FANCL: variants seen among roughly 807,000 people sequenced by gnomAD.
FANCL encodes FA complementation group L, also known as E3 ubiquitin-protein ligase FANCL.
A neutral mutation model predicts 59.4 loss-of-function variants in FANCL; 69 were observed. The ratio of observed to expected loss-of-function variants is 1.16; its 90% CI spans 0.96 to 1.42. The LOEUF (loss-of-function observed/expected upper bound fraction) is 1.42. FANCL is among the 40% of genes most tolerant of loss of function. The pLI, the probability that FANCL is intolerant of heterozygous loss-of-function variation, is 0.00. For missense variants in FANCL, 519 were observed against 447.2 expected, an observed-to-expected ratio of 1.16 and a Z score of -1.45; for synonymous variants, 180 against 147.1, an observed-to-expected ratio of 1.22 and a Z score of -1.62.
At chr2:58,235,779 T>TGAGCG (rs1693959170) in intron 1 of FANCL, among the ~76,000 whole-genome samples, 1 of 151,930 alleles carries the variant, frequency 6.6e-6, no homozygotes, top group South Asian at 2.1e-4. Context: ...AAGGAAAACA[T>TGAGCG]GAGCGTACTA....
chr2:58,219,173 T>TATATAC (rs1692207547), intron 5 of FANCL, among the ~76,000 whole-genome samples: 1 of 35,518 alleles, frequency 2.8e-5, no homozygotes, highest in Non-Finnish European at 4.6e-5. Context: ...AAAAAAAAAA[T>TATATAC]ATATATATAT....
intron 5 of FANCL, among the ~76,000 whole-genome samples, chr2:58,209,673 A>G (rs1230959540): frequency 3.9e-5 from 6 of 152,178 alleles, no homozygotes; most frequent in African/African-American, 1.4e-4. Context: ...TGCCTCTTTG[A>G]AATCTTTATT....
At chr2:58,241,117 C>T in intron 1 of FANCL, 101 bp downstream of exon 1, 1 of 1,287,416 alleles carries the variant, frequency 7.8e-7, no homozygotes, top group Non-Finnish European at 1.1e-6. Flanking sequence ...TCTCAATCCC[C>T]ACAAGTCTGG....
chr2:58,164,707 C>T (rs548468712), intron 8 of FANCL, among the ~76,000 whole-genome samples: 5 of 151,910 alleles, frequency 3.3e-5, no homozygotes, highest in East Asian at 1.9e-4. Flanking sequence ...AATGGGGCCA[C>T]GAAAATAATG....
At chr2:58,212,739 G>A (rs1691307916) in intron 5 of FANCL, among the ~76,000 whole-genome samples, 2 of 151,744 alleles carry the variant, frequency 1.3e-5, no homozygotes, top group African/African-American at 2.4e-5. Context: ...TTACCTTTGT[G>A]AGCCAGTGTT....
intron 5 of FANCL, among the ~76,000 whole-genome samples, chr2:58,210,571 TCTTAA>T (rs764596577): frequency 6.6e-6 from 1 of 152,032 alleles, no homozygotes; most frequent in East Asian, 1.9e-4. Context: ...CCCCCCAAAG[TCTTAA>T]CTTATTTCAT....
intron 6 of FANCL, among the ~76,000 whole-genome samples, chr2:58,199,562 T>A (rs748335815): frequency 4.6e-5 from 7 of 152,238 alleles, no homozygotes; most frequent in South Asian, 4.1e-4. Flanking sequence ...TTTGAAAGAT[T>A]GCTAAATACA....
chr2:58,172,784 A>G (rs1469735998), intron 7 of FANCL, among the ~76,000 whole-genome samples: 4 of 152,224 alleles, frequency 2.6e-5, no homozygotes, highest in Admixed American at 1.3e-4. Context: ...AAAGCTGGAC[A>G]GAGAATGACT....
At chr2:58,217,169 TATATATATATATA>T (rs1558806314) in intron 5 of FANCL, among the ~76,000 whole-genome samples, 1 of 27,506 alleles carries the variant, frequency 3.6e-5, no homozygotes, top group African/African-American at 1.7e-4. Flanking sequence ...ATATATTTTA[TATATATATATATA>T]TATATATATA....
intron 5 of FANCL, among the ~76,000 whole-genome samples, chr2:58,220,114 A>G (rs1692321243): frequency 6.6e-6 from 1 of 152,232 alleles, no homozygotes; most frequent in South Asian, 2.1e-4. Context: ...AAACACTATT[A>G]CATGCAATCG....
chr2:58,170,722 T>C (rs1304005279), intron 7 of FANCL, among the ~76,000 whole-genome samples: 1 of 145,484 alleles, frequency 6.9e-6, no homozygotes, highest in East Asian at 2.0e-4. Context: ...TGGTTTGCAA[T>C]ACCAGTATCT....
At chr2:58,200,954 T>C (rs981738261) in intron 6 of FANCL, among the ~76,000 whole-genome samples, 3 of 151,482 alleles carry the variant, frequency 2.0e-5, no homozygotes, top group Non-Finnish European at 4.4e-5. Context: ...ATTACATTCA[T>C]GTGCAAAATC....
intron 7 of FANCL, among the ~76,000 whole-genome samples, chr2:58,180,899 TGA>T (rs764011851): frequency 6.7e-6 from 1 of 150,108 alleles, no homozygotes; most frequent in African/African-American, 2.5e-5. Context: ...CTAATATTAA[TGA>T]GATAACATTA....
chr2:58,225,598 T>A (rs1284813381), intron 4 of FANCL, among the ~76,000 whole-genome samples: 11 of 151,976 alleles, frequency 7.2e-5, no homozygotes, highest in Admixed American at 7.2e-4. Flanking sequence ...AACCATCAGA[T>A]ACCACGTGGA....
chr2:58,226,620 G>A (rs1693025545), intron 4 of FANCL, 108 bp downstream of exon 4: 4 of 813,830 alleles, frequency 4.9e-6, no homozygotes, highest in Non-Finnish European at 8.2e-6. Context: ...TCAAATGACT[G>A]AGAGTTAAGA....
intron 7 of FANCL, among the ~76,000 whole-genome samples, chr2:58,198,025 G>C (rs866531164): frequency 6.7e-6 from 1 of 149,834 alleles, no homozygotes; most frequent in African/African-American, 2.5e-5. Flanking sequence ...CTACAGGCTG[G>C]ATGGTGTGTG....
Position 58,233,256 on chromosome 2 carries a change from T to C in FANCL, c.97-1144A>G, listed in dbSNP as rs573754946. On this transcript the variant is annotated intron_variant, in intron 1 of 13. Coordinates refer to ENST00000233741, the MANE Select transcript of FANCL (RefSeq NM_018062.4). ...CGAAAAATAGAAGAACTATTCTATA[T>C]AGAAATCTGTGCTGTTATCTGAAAG... Among the ~76,000 whole-genome samples, 39 of 151,624 alleles carry C rather than the reference T, an allele frequency of 2.6e-4. No individual in the cohort carries two copies. In the South Asian group the frequency reaches 5.6e-3, roughly 22 times the overall value.
intron 1 of FANCL, among the ~76,000 whole-genome samples, chr2:58,239,472 C>T (rs1694316470): frequency 6.6e-6 from 1 of 152,100 alleles, no homozygotes. Context: ...AAAACACAAA[C>T]AGACTGAGAA....
rs1423411761 is a variant in FANCL at position 58,161,609 on chromosome 2, A to G, written c.933T>C (p.Tyr311=). The G allele has an allele frequency of 1.1e-5, 18 of 1,611,482 alleles. No homozygotes were observed. The highest frequency in any genetic ancestry group is 1.7e-5 in the Admixed American group (1 of 59,896). The change falls in exon 12 of 14, where the codon TAT becomes TAC. Residue 311 remains tyrosine (Y), a synonymous_variant. Coordinates refer to ENST00000233741, the MANE Select transcript of FANCL (RefSeq NM_018062.4). ...GAATGGTACCGTCAAGTTGATAAGC[A>G]TAACAAATTCCACAATCCATAGTAA... ...SDFTMDCGIC[Y]AYQLDGTIPD...
Sources: gnomAD v4.1 joint callset for allele counts (sites outside exome capture counted in the v4.1 genomes callset) on GRCh38, gnomAD v4.1.1 for gene constraint, MANE v1.5 for transcripts, NCBI Gene and HGNC (gene_info 2026-07-23, HGNC 2026-07-21) for gene names.